ST3GAL5: variants seen among roughly 807,000 people sequenced by gnomAD.
The protein encoded by ST3GAL5 is lactosylceramide alpha-2,3-sialyltransferase.
In ST3GAL5, 25 loss-of-function variants were observed where a neutral mutation model predicts 46.1. The observed-to-expected ratio is 0.54, with a 90% CI of 0.40 to 0.76. The LOEUF is 0.76. Ranked by LOEUF, ST3GAL5 falls within the 30% of genes least tolerant of loss-of-function variation. ST3GAL5 has a pLI of 0.00. For synonymous variants in ST3GAL5, 182 were observed against 192.7 expected (o/e 0.94, Z 0.46); for missense variants, 431 against 521.2 (o/e 0.83, Z 1.69).
intron 3 of ST3GAL5, among the ~76,000 whole-genome samples, chr2:85,852,059 C>T (rs188135562): frequency 2.0e-5 from 3 of 152,330 alleles, no homozygotes; most frequent in African/African-American, 7.2e-5. Flanking sequence ...TTTTCCTCAG[C>T]AAAATCCCCA....
intron 1 of ST3GAL5, among the ~76,000 whole-genome samples, chr2:85,864,065 C>T (rs1685017961): frequency 1.3e-5 from 2 of 152,024 alleles, no homozygotes; most frequent in Non-Finnish European, 1.5e-5. Context: ...TAGTGAGTGT[C>T]AGGGGTTGTG....
chr2:85,853,053 A>T (rs1225011151), intron 3 of ST3GAL5: 5 of 1,304,212 alleles, frequency 3.8e-6, no homozygotes, highest in Admixed American at 2.3e-5. Flanking sequence ...ATCTGGCCAT[A>T]ATTAACTGCA....
intron 3 of ST3GAL5, chr2:85,854,846 G>A (rs1181822543): frequency 6.6e-6 from 1 of 152,232 alleles, no homozygotes; most frequent in East Asian, 1.9e-4. Context: ...ATTAAGGCAT[G>A]AGGGGGCTCT....
chr2:85,883,034 C>T (rs1462602494), intron 1 of ST3GAL5, among the ~76,000 whole-genome samples: 1 of 151,992 alleles, frequency 6.6e-6, no homozygotes, highest in Non-Finnish European at 1.5e-5. Flanking sequence ...GGTCGGTGGA[C>T]TTTTGGGTTA....
intron 6 of ST3GAL5, among the ~76,000 whole-genome samples, chr2:85,842,565 T>C (rs1423103508): frequency 6.6e-6 from 1 of 152,192 alleles, no homozygotes; most frequent in African/African-American, 2.4e-5. Context: ...GTTACTGTTT[T>C]TATCCAAAAG....
intron 1 of ST3GAL5, among the ~76,000 whole-genome samples, chr2:85,868,338 G>T (rs1242833981): frequency 6.6e-6 from 1 of 152,214 alleles, no homozygotes; most frequent in Non-Finnish European, 1.5e-5. Flanking sequence ...ATCTTGCTCT[G>T]TCACCCTGGC....
chr2:85,852,986 A>G, intron 3 of ST3GAL5: 1 of 1,304,274 alleles, frequency 7.7e-7, no homozygotes. Context: ...CTTCCTTTAA[A>G]GGCACGGTGT....
At chr2:85,866,168 T>C (rs1234096037) in intron 1 of ST3GAL5, 1 of 152,240 alleles carries the variant, frequency 6.6e-6, no homozygotes, top group Non-Finnish European at 1.5e-5. Flanking sequence ...GTATACCTAA[T>C]GTCTTGTTTG....
rs1484312713 is a variant in ST3GAL5 at position 85,840,242 on chromosome 2, T to C, written c.1159A>G (p.Thr387Ala). ...GTTTCCGTTGTCACATTATGCATGG[T>C]CTGAAAGTTCATAGCAGCCATGCAT... is the stretch of plus-strand genomic sequence containing the variant. ...SQCMAAMNFQ[T>A]MHNVTTETKF... The change falls in exon 7 of 7, where the codon ACC (threonine) becomes GCC (alanine). Residue 387 changes from threonine (T) to alanine (A), a missense_variant. Transcript: ENST00000638572. 3 of 1,614,182 alleles carry C rather than the reference T, an allele frequency of 1.9e-6. No homozygotes were observed. The highest frequency in any genetic ancestry group is 1.7e-5 in the Admixed American group (1 of 60,016).
intron 3 of ST3GAL5, chr2:85,860,938 G>A (rs1240212855): frequency 3.9e-6 from 2 of 510,974 alleles, no homozygotes; most frequent in South Asian, 2.1e-5. Flanking sequence ...AGCCTGTTGG[G>A]TTGAGCCCAC....
chr2:85,848,139 T>A lies in ST3GAL5; in HGVS notation c.384A>T (p.Ser128=), dbSNP rs1683038258. Reference sequence around the variant, plus strand: ...ACCTGTGCTCAAATAACAGCGCCATTGATGTCTTGGCAAACTTGGGACGAC... The same window carrying A: ...ACCTGTGCTCAAATAACAGCGCCATAGATGTCTTGGCAAACTTGGGACGAC... The part of the protein sequence containing the change: ...KECRPKFAKT[S]MALLFEHRYS... The change falls in exon 4 of 7, where the codon TCA becomes TCT. Residue 128 remains serine, a synonymous_variant. Transcript: ENST00000638572. 1 of 1,614,102 alleles carries A rather than the reference T, an allele frequency of 6.2e-7. No individual in the cohort carries two copies. Among genetic ancestry groups the A allele is most frequent in the Non-Finnish European group, 8.5e-7 (1 of 1,180,038 alleles).
chr2:85,847,909 T>C lies in ST3GAL5; in HGVS notation c.614A>G (p.His205Arg). ...CAGGGTGTGGCCCAGTTCTAATCCG[T>C]GCAGTATTCCTCCGCTTCCAATAAC... ...CVVIGSGGIL[H>R]GLELGHTLNQ... The change falls in exon 4 of 7, where the codon CAC (histidine) becomes CGC (arginine). Residue 205 changes from histidine to arginine, a missense_variant. Coordinates refer to ENST00000638572, the MANE Select transcript of ST3GAL5 (RefSeq NM_003896.4). 1 of 1,614,146 alleles carries C rather than the reference T, an allele frequency of 6.2e-7. No homozygotes were observed. The highest frequency in any genetic ancestry group is 8.5e-7 in the Non-Finnish European group (1 of 1,180,038).
chr2:85,862,121 C>T (rs926038947), intron 2 of ST3GAL5, among the ~76,000 whole-genome samples: 2 of 151,792 alleles, frequency 1.3e-5, no homozygotes, highest in African/African-American at 4.8e-5. Flanking sequence ...GATGAGAATA[C>T]AATGAAGTGT....
chr2:85,863,549 T>G, intron 1 of ST3GAL5, 64 bp from the exon 2 acceptor site: 4 of 1,589,142 alleles, frequency 2.5e-6, no homozygotes, highest in Middle Eastern at 1.7e-4. Context: ...GGATGGATTA[T>G]GGTTTTCAAA....
intron 1 of ST3GAL5, among the ~76,000 whole-genome samples, chr2:85,883,604 A>G (rs1687433756): frequency 6.6e-6 from 1 of 152,176 alleles, no homozygotes; most frequent in Admixed American, 6.5e-5. Context: ...GGGAGCAGGG[A>G]CAGTGGGGAC....
intron 3 of ST3GAL5, chr2:85,848,503 G>A: frequency 3.1e-6 from 3 of 956,674 alleles, no homozygotes; most frequent in Admixed American, 2.7e-5. Flanking sequence ...CATTTGGGGT[G>A]AAAATGTACT....
chr2:85,851,678 C>T (rs1405530902), intron 3 of ST3GAL5: 3 of 1,289,410 alleles, frequency 2.3e-6, no homozygotes, highest in South Asian at 2.5e-5. Flanking sequence ...GAAAGTGCCT[C>T]AAGGCGAGTG....
At chr2:85,869,061 T>A (rs1270426013) in intron 1 of ST3GAL5, among the ~76,000 whole-genome samples, 1 of 152,226 alleles carries the variant, frequency 6.6e-6, no homozygotes, top group Non-Finnish European at 1.5e-5. Context: ...TTGTCTTTGT[T>A]TTTTTAGAGA....
At chr2:85,886,944 C>G (rs1278678913) in intron 1 of ST3GAL5, among the ~76,000 whole-genome samples, 2 of 152,188 alleles carry the variant, frequency 1.3e-5, no homozygotes, top group Non-Finnish European at 2.9e-5. Flanking sequence ...GATCTCAGTC[C>G]TCCATCGTGT....
Sources: gnomAD v4.1 joint callset for allele counts (sites outside exome capture counted in the v4.1 genomes callset) on GRCh38, gnomAD v4.1.1 for gene constraint, MANE v1.5 for transcripts, NCBI Gene and HGNC (gene_info 2026-07-23, HGNC 2026-07-21) for gene names.